Variants in SPAG16 observed in about 807,000 individuals in gnomAD.
SPAG16 encodes sperm associated antigen 16, also known as sperm-associated antigen 16 protein.
Under a neutral mutation model 80.4 loss-of-function variants are expected in SPAG16, and 86 were observed. That is an observed-to-expected ratio of 1.07 (90% CI 0.90 to 1.28). The LOEUF is 1.28. Among genes scored for constraint, SPAG16 ranks in the 50% most tolerant of loss-of-function variants. The pLI is 0.00. For missense variants in SPAG16, 870 were observed against 765.3 expected, an observed-to-expected ratio of 1.14 and a Z score of -1.61; for synonymous variants, 294 against 265.9, an observed-to-expected ratio of 1.11 and a Z score of -1.03.
intron 15 of SPAG16, among the ~76,000 whole-genome samples, chr2:214,335,799 G>A (rs146729545): frequency 4.5e-5 from 6 of 134,544 alleles, no homozygotes; most frequent in African/African-American, 5.8e-5. Flanking sequence ...TCACTCTGTC[G>A]CCAGGCTGGA....
chr2:214,326,921 G>A (rs1293765981), intron 15 of SPAG16, among the ~76,000 whole-genome samples: 1 of 143,506 alleles, frequency 7.0e-6, no homozygotes, highest in Non-Finnish European at 1.5e-5. Context: ...CTCCAGCCTG[G>A]GCGACAGAGT....
chr2:214,221,400 A>G (rs538847797), intron 15 of SPAG16, among the ~76,000 whole-genome samples: 2 of 151,910 alleles, frequency 1.3e-5, no homozygotes, highest in Non-Finnish European at 2.9e-5. Context: ...GATTTTCTTC[A>G]ATGATTTTTT....
intron 15 of SPAG16, among the ~76,000 whole-genome samples, chr2:214,306,830 T>TTTTTG (rs747472766): frequency 5.9e-5 from 9 of 152,098 alleles, no homozygotes; most frequent in South Asian, 4.1e-4. Context: ...GAAGTTTTGT[T>TTTTTG]TTTTGTTTTG....
chr2:214,031,734 C>A (rs12471539), intron 13 of SPAG16, among the ~76,000 whole-genome samples: 1 of 151,818 alleles, frequency 6.6e-6, no homozygotes, highest in African/African-American at 2.4e-5. Context: ...GGAAGCACAG[C>A]TGGGGAGGTC....
At chr2:213,593,194 C>A (rs575221612) in intron 10 of SPAG16, among the ~76,000 whole-genome samples, 1 of 152,224 alleles carries the variant, frequency 6.6e-6, no homozygotes, top group East Asian at 1.9e-4. Flanking sequence ...CATTGGAGTT[C>A]TATTTCAATA....
intron 15 of SPAG16, among the ~76,000 whole-genome samples, chr2:214,247,542 A>G (rs1410955880): frequency 6.6e-6 from 1 of 152,216 alleles, no homozygotes. Context: ...GTGACTTTAA[A>G]AGCTAATCAT....
At chr2:214,183,083 T>G (rs1350154900) in intron 15 of SPAG16, among the ~76,000 whole-genome samples, 2 of 152,014 alleles carry the variant, frequency 1.3e-5, no homozygotes, top group African/African-American at 4.8e-5. Flanking sequence ...GTTTCATTAT[T>G]CTTCCTCTTT....
chr2:213,608,305 C>A (rs975695120), intron 10 of SPAG16, among the ~76,000 whole-genome samples: 1 of 152,108 alleles, frequency 6.6e-6, no homozygotes, highest in East Asian at 1.9e-4. Flanking sequence ...GGTATATCTC[C>A]TAATGCTATC....
intron 12 of SPAG16, among the ~76,000 whole-genome samples, chr2:213,968,260 C>T (rs776074845): frequency 6.6e-6 from 1 of 151,960 alleles, no homozygotes; most frequent in African/African-American, 2.4e-5. Context: ...CTGCAATCTC[C>T]GCCTCCCAAG....
rs116100812 is a variant in SPAG16, at chr2:213,848,868, C to T, written c.1071-13617C>T. Among the ~76,000 whole-genome samples the T allele has an allele frequency of 9.4e-3, 1,431 of 152,110 alleles. 14 individuals carry two copies. Among genetic ancestry groups the T allele is most frequent in the Non-Finnish European group, 0.013 (859 of 68,012 alleles). On this transcript the variant is annotated intron_variant, in intron 10 of 15. Coordinates refer to ENST00000331683, the MANE Select transcript of SPAG16 (RefSeq NM_024532.5). The stretch of plus-strand genomic sequence containing the variant: ...AACAGTTTCTGCTTGTGGCCTATGA[C>T]GCAACTGAAATATGATAATAGAAAC...
At chr2:213,289,296 G>A (rs1448495261) in intron 1 of SPAG16, among the ~76,000 whole-genome samples, 1 of 152,166 alleles carries the variant, frequency 6.6e-6, no homozygotes, top group Non-Finnish European at 1.5e-5. Context: ...CTTAGAAGTT[G>A]GAAAGACTTA....
chr2:214,294,603 G>T (rs1353138873), intron 15 of SPAG16, among the ~76,000 whole-genome samples: 1 of 152,118 alleles, frequency 6.6e-6, no homozygotes, highest in Non-Finnish European at 1.5e-5. Context: ...TTCATGATTT[G>T]CCACTGCAAA....
intron 10 of SPAG16, among the ~76,000 whole-genome samples, chr2:213,848,629 C>T (rs1289398507): frequency 6.6e-6 from 1 of 152,134 alleles, no homozygotes; most frequent in Admixed American, 6.6e-5. Flanking sequence ...TATTTGTGTT[C>T]ATGGAGTAAT....
intron 13 of SPAG16, among the ~76,000 whole-genome samples, chr2:214,058,989 C>T (rs1326064558): frequency 1.3e-5 from 2 of 151,742 alleles, no homozygotes; most frequent in African/African-American, 4.8e-5. Context: ...AGTTTGTGTT[C>T]CACTGTCTTC....
intron 15 of SPAG16, among the ~76,000 whole-genome samples, chr2:214,295,594 CA>C: frequency 6.6e-6 from 1 of 152,106 alleles, no homozygotes; most frequent in Non-Finnish European, 1.5e-5. Context: ...AGTTTGAGAC[CA>C]GCCTGGCTAA....
At chr2:214,205,232 AAAG>A (rs79424641) in intron 15 of SPAG16, among the ~76,000 whole-genome samples, 44,847 of 151,632 alleles carry the variant, frequency 0.3, 8,254 homozygotes, top group Non-Finnish European at 0.41. Context: ...AAAAAAAAAG[AAAG>A]AAGAAGAAGC....
rs187133129 is a variant in SPAG16, at chr2:213,293,822, A to C, written c.137-2242A>C. ...TAATTGACAACATTACATATATTCT[A>C]GGTGTACAACATATTTTGATTTACA... On this transcript the variant is annotated intron_variant, in intron 1 of 15. Transcript: ENST00000331683. Among the ~76,000 whole-genome samples the C allele has an allele frequency of 2.0e-5, 3 of 152,344 alleles. No individual in the cohort carries two copies. In the East Asian group the frequency reaches 5.8e-4, roughly 29 times the overall value.
intron 10 of SPAG16, among the ~76,000 whole-genome samples, chr2:213,701,631 T>G (rs1184253563): frequency 6.6e-6 from 1 of 152,142 alleles, no homozygotes; most frequent in Non-Finnish European, 1.5e-5. Flanking sequence ...GCGGGACTGG[T>G]AGGCAGCTCC....
intron 12 of SPAG16, among the ~76,000 whole-genome samples, chr2:213,949,178 T>TTTTTTTTTTTTTTTTGTTTTG (rs1559620245): frequency 1.0e-4 from 2 of 19,146 alleles, no homozygotes; most frequent in Non-Finnish European, 1.6e-4. Flanking sequence ...AGTTTTTTTT[T>TTTTTTTTTTTTTTTTGTTTTG]TTTTTTTTTT....
Sources: gnomAD v4.1 joint callset for allele counts (sites outside exome capture counted in the v4.1 genomes callset) on GRCh38, gnomAD v4.1.1 for gene constraint, MANE v1.5 for transcripts, NCBI Gene and HGNC (gene_info 2026-07-23, HGNC 2026-07-21) for gene names.